Variants in EPAS1 observed in about 807,000 individuals in gnomAD.
The protein encoded by EPAS1 is endothelial PAS domain protein 1.
Under a neutral mutation model 87.9 loss-of-function variants are expected in EPAS1, and 23 were observed. The observed-to-expected ratio is 0.26, with a 90% CI of 0.19 to 0.37. The LOEUF (loss-of-function observed/expected upper bound fraction) is 0.37. Ranked by LOEUF, EPAS1 falls within the 10% of genes least tolerant of loss-of-function variation. The pLI, the probability that EPAS1 is intolerant of heterozygous loss-of-function variation, is 1.00. For missense variants in EPAS1, 1,138 were observed against 1,120.7 expected (o/e 1.02, Z -0.22); for synonymous variants, 508 against 444.3 (o/e 1.14, Z -1.80).
Position 46,380,192 on chromosome 2 carries a change from C to A in EPAS1, c.1555-35C>A, listed in dbSNP as rs369070885. 1 of 1,603,266 alleles carries A rather than the reference C, an allele frequency of 6.2e-7. No individual in the cohort carries two copies. Among genetic ancestry groups the A allele is most frequent in the Non-Finnish European group, 8.5e-7 (1 of 1,179,930 alleles). ...ATAGTGTTTGTGAGGTCGTACCAAC[C>A]CCCTTGCCTCTTTGCCGGTGCTGTC... On this transcript the variant is annotated intron_variant, in intron 11 of 15. Coordinates refer to ENST00000263734, the MANE Select transcript of EPAS1 (RefSeq NM_001430.5). The surrounding 1 kb of genome is among the most constrained non-coding windows in gnomAD (Gnocchi z 4.4).
At chr2:46,381,049 C>G (rs1684878581) in intron 12 of EPAS1, 1 of 414,490 alleles carries the variant, frequency 2.4e-6, no homozygotes, top group Non-Finnish European at 4.4e-6. Flanking sequence ...TGATGATTTT[C>G]CCTGGTTGAA....
Position 46,382,456 on chromosome 2 carries a change from G to A in EPAS1, c.2319G>A (p.Leu773=). 2.5e-6 allele frequency: 4 copies of A among 1,614,130 alleles called. No individual in the cohort carries two copies. Among genetic ancestry groups the A allele is most frequent in the South Asian group, 1.1e-5 (1 of 91,072 alleles). ...DKFTQNPMRG[L]GHPLRHLPLP... ...TCACCCAAAACCCCATGAGGGGCCT[G>A]GGCCATCCCCTGAGACATCTGCCGC... is the stretch of plus-strand genomic sequence containing the variant. The change falls in exon 15 of 16, where the codon CTG becomes CTA. Residue 773 remains leucine, a synonymous_variant. Transcript: ENST00000263734.
In EPAS1 at chr2:46,297,833, C is replaced by T; in HGVS notation, c.-79C>T. ...CACCACCCGCCCGGGCCGCGGGGAG[C>T]GGACGAGGGCCACAGCCCCCCACCC... is the stretch of plus-strand genomic sequence containing the variant. On this transcript the variant is annotated 5_prime_UTR_variant, in exon 1 of 16. Coordinates refer to ENST00000263734, the MANE Select transcript of EPAS1 (RefSeq NM_001430.5). 2.6e-6 allele frequency: 4 copies of T among 1,560,452 alleles called. No homozygotes were observed. The South Asian group carries it at 4.7e-5, about 18-fold the overall frequency.
In EPAS1 at chr2:46,375,971, G is replaced by T. The variant is rs994399080; in HGVS notation, c.1034+134G>T. On this transcript the variant is annotated intron_variant, in intron 8 of 15. Transcript: ENST00000263734. The surrounding 1 kb of genome is among the most constrained non-coding windows in gnomAD (Gnocchi z 4.1). Reference sequence around the variant, plus strand: ...GGCACCACCTCAGGGAGGTCTTGCAGGGCTAACCCTAGTGACTGAGAGGAC... The same window carrying T: ...GGCACCACCTCAGGGAGGTCTTGCATGGCTAACCCTAGTGACTGAGAGGAC... The T allele has an allele frequency of 1.7e-6, 2 of 1,194,916 alleles. No individual in the cohort carries two copies. The highest frequency in any genetic ancestry group is 2.5e-6 in the Non-Finnish European group (2 of 811,176). 74.0% of individuals were successfully genotyped at this position (1,194,916 alleles called of 1,614,324 possible).
Position 46,378,658 on chromosome 2 carries a change from C to G in EPAS1, c.1445C>G (p.Pro482Arg). ...ATSSSSSCST[P>R]NSPEDYYTSL... ...GTCCCCCTCCTTCCTGGCCCCTAGC[C>G]CAATAGCCCTGAAGACTATTACACA... is the stretch of plus-strand genomic sequence containing the variant. Residue 482 changes from proline to arginine, a missense_variant and splice_region_variant, in exon 11 of 16, where the codon CCC (proline) becomes CGC (arginine). By Grantham distance (103) the Pro-to-Arg change is moderately radical (BLOSUM62 -2). Coordinates refer to ENST00000263734, the MANE Select transcript of EPAS1 (RefSeq NM_001430.5). 1 of 1,613,204 alleles carries G rather than the reference C, an allele frequency of 6.2e-7. No homozygotes were observed. The highest frequency in any genetic ancestry group is 8.5e-7 in the Non-Finnish European group (1 of 1,179,188).
At chr2:46,336,760 G>C (rs190629204) in intron 1 of EPAS1, among the ~76,000 whole-genome samples, 22 of 152,330 alleles carry the variant, frequency 1.4e-4, no homozygotes, top group African/African-American at 5.3e-4. Context: ...AGTAGAATCA[G>C]CATCCTCTGA....
At chr2:46,317,176 C>T (rs1268063180) in intron 1 of EPAS1, among the ~76,000 whole-genome samples, 1 of 152,186 alleles carries the variant, frequency 6.6e-6, no homozygotes, top group African/African-American at 2.4e-5. Context: ...TTAACTTCTT[C>T]CAGACTCCTG....
At chr2:46,330,572 G>A (rs576592482) in intron 1 of EPAS1, among the ~76,000 whole-genome samples, 86 of 152,316 alleles carry the variant, frequency 5.6e-4, no homozygotes, top group Non-Finnish European at 6.9e-4. Context: ...AGGTCTTTGC[G>A]CTAAAACAGG....
chr2:46,314,663 C>T (rs557446804), intron 1 of EPAS1, among the ~76,000 whole-genome samples: 4 of 152,166 alleles, frequency 2.6e-5, no homozygotes, highest in Non-Finnish European at 5.9e-5. Flanking sequence ...CAAGTGGAGC[C>T]TCGTCCTGAC....
At chr2:46,329,282 G>C (rs1447821872) in intron 1 of EPAS1, among the ~76,000 whole-genome samples, 2 of 152,178 alleles carry the variant, frequency 1.3e-5, no homozygotes, top group East Asian at 3.9e-4. Flanking sequence ...AGGCACCATT[G>C]CTAGAATGCT....
At chr2:46,336,299 C>G (rs1683793851) in intron 1 of EPAS1, among the ~76,000 whole-genome samples, 1 of 152,132 alleles carries the variant, frequency 6.6e-6, no homozygotes, top group Non-Finnish European at 1.5e-5. Context: ...TGCCCTTCCC[C>G]TGGTACTTAC....
At position 46,375,989 on chromosome 2, in the gene EPAS1, G is replaced by C; in HGVS notation, c.1034+152G>C. On this transcript the variant is annotated intron_variant, in intron 8 of 15. Transcript: ENST00000263734. This position sits in a 1 kb window ranked among gnomAD's most constrained non-coding sequence, Gnocchi z 4.1. ...TCTTGCAGGGCTAACCCTAGTGACT[G>C]AGAGGACTTCCTGTGGATGTCTTGG... 9.6e-7 allele frequency: 1 copy of C among 1,039,222 alleles called. No individual in the cohort carries two copies. Among genetic ancestry groups the C allele is most frequent in the Non-Finnish European group, 1.5e-6 (1 of 678,850 alleles). The allele number at this position is 1,039,222 out of a possible 1,614,324, so 64.4% of individuals were successfully genotyped here. A position where few individuals can be genotyped will look rare whatever the true frequency, so the allele number is the denominator to read the frequency against.
intron 1 of EPAS1, among the ~76,000 whole-genome samples, chr2:46,314,237 G>A (rs141628460): frequency 1.8e-3 from 276 of 152,296 alleles, no homozygotes; most frequent in African/African-American, 6.0e-3. Context: ...TGTTGGTGGC[G>A]TCTGGAAATA....
intron 7 of EPAS1, among the ~76,000 whole-genome samples, chr2:46,374,483 C>G (rs969852950): frequency 6.6e-6 from 1 of 152,196 alleles, no homozygotes; most frequent in South Asian, 2.1e-4. Context: ...ATCCTCAGTA[C>G]AAATGGCAGT....
chr2:46,377,409 G>A (rs564343513), intron 9 of EPAS1, among the ~76,000 whole-genome samples: 1 of 152,324 alleles, frequency 6.6e-6, no homozygotes, highest in East Asian at 1.9e-4. Flanking sequence ...TGTGGCTGCC[G>A]GAAGAGTGGT....
At chr2:46,372,504 T>A (rs1684647910) in intron 7 of EPAS1, among the ~76,000 whole-genome samples, 1 of 152,234 alleles carries the variant, frequency 6.6e-6, no homozygotes, top group Non-Finnish European at 1.5e-5. Context: ...TAGATTTAGA[T>A]CATTGAAAGC....
At position 46,347,975 on chromosome 2, in the gene EPAS1, T is replaced by G. The variant is rs1015361790; in HGVS notation, c.217+912T>G. ...GGAGGCACTCAGGGAGGGAAGGTTC[T>G]TTTGTGGTTGTTTTTCAGTTTTCCG... On this transcript the variant is annotated intron_variant, in intron 2 of 15. Transcript: ENST00000263734. This position sits in a 1 kb window ranked among gnomAD's most constrained non-coding sequence, Gnocchi z 4.2. Among the ~76,000 whole-genome samples, 1 of 152,140 alleles carries G rather than the reference T, an allele frequency of 6.6e-6. No individual in the cohort carries two copies. Among genetic ancestry groups the G allele is most frequent in the Non-Finnish European group, 1.5e-5 (1 of 68,014 alleles).
chr2:46,317,309 C>T (rs1410377604), intron 1 of EPAS1, among the ~76,000 whole-genome samples: 1 of 152,172 alleles, frequency 6.6e-6, no homozygotes, highest in Non-Finnish European at 1.5e-5. Context: ...GAATCACTAT[C>T]TATGGCAGCT....
chr2:46,319,217 C>T (rs1243062731), intron 1 of EPAS1, among the ~76,000 whole-genome samples: 3 of 152,234 alleles, frequency 2.0e-5, no homozygotes, highest in Non-Finnish European at 2.9e-5. Context: ...GCAATGATGA[C>T]AGCTTCCAGG....
Sources: gnomAD v4.1 joint callset for allele counts (sites outside exome capture counted in the v4.1 genomes callset) on GRCh38, gnomAD v4.1.1 for gene constraint, Gnocchi (gnomAD v3.1) non-coding constraint, MANE v1.5 for transcripts, NCBI Gene and HGNC (gene_info 2026-07-23, HGNC 2026-07-21) for gene names.